GLRA1: variants seen among roughly 807,000 people sequenced by gnomAD.
GLRA1 encodes the protein glycine receptor subunit alpha-1.
Under a neutral mutation model 48.3 loss-of-function variants are expected in GLRA1, and 37 were observed. The ratio of observed to expected loss-of-function variants is 0.77; its 90% CI spans 0.59 to 1.01. The LOEUF is 1.01. GLRA1 is among the 50% of genes least tolerant of loss of function. The pLI is 0.00. For missense variants in GLRA1, 427 were observed against 571.0 expected, an observed-to-expected ratio of 0.75 and a Z score of 2.57; for synonymous variants, 196 against 210.7, an observed-to-expected ratio of 0.93 and a Z score of 0.60.
intron 8 of GLRA1, among the ~76,000 whole-genome samples, chr5:151,826,721 G>T (rs1270045216): frequency 1.3e-5 from 2 of 152,142 alleles, no homozygotes; most frequent in African/African-American, 4.8e-5. Flanking sequence ...CTTTTAGTGT[G>T]TCAAACTGGT....
intron 1 of GLRA1, among the ~76,000 whole-genome samples, chr5:151,919,391 T>C (rs753048766): frequency 3.3e-5 from 5 of 152,244 alleles, no homozygotes; most frequent in African/African-American, 4.8e-5. Context: ...GTGAGTATAG[T>C]GGTCAGGCAT....
At position 151,833,297 on chromosome 5, in the gene GLRA1, CAA is replaced by C. The variant is rs769572703; in HGVS notation, c.913-4232_913-4231del. ...ATGATAGGATCAAATTCACACATAA[CAA>C]TATTAATCTTAAATGTAAACAGGCA... On this transcript the variant is annotated intron_variant, in intron 7 of 8. Transcript: ENST00000274576. 1.4e-4 allele frequency among the ~76,000 whole-genome samples: 22 copies of C among 152,194 alleles called. No homozygotes were observed. The East Asian group carries it at 2.5e-3, about 17-fold the overall frequency.
chr5:151,897,075 C>T (rs1474243494), intron 1 of GLRA1, among the ~76,000 whole-genome samples: 3 of 152,058 alleles, frequency 2.0e-5, no homozygotes, highest in Admixed American at 2.0e-4. Context: ...CACTTAAAAT[C>T]CTCCCCCTCC....
At chr5:151,865,002 A>C (rs1402024555) in intron 3 of GLRA1, among the ~76,000 whole-genome samples, 1 of 152,250 alleles carries the variant, frequency 6.6e-6, no homozygotes, top group Non-Finnish European at 1.5e-5. Flanking sequence ...ATCTGGAATT[A>C]GAACTTGGCT....
chr5:151,877,518 C>CACA (rs776366846), intron 3 of GLRA1, among the ~76,000 whole-genome samples: 6 of 151,898 alleles, frequency 4.0e-5, no homozygotes, highest in East Asian at 1.9e-4. Context: ...AAAACAAAAA[C>CACA]ACAACAACAA....
At chr5:151,890,327 C>T (rs1454512917) in intron 2 of GLRA1, among the ~76,000 whole-genome samples, 3 of 151,954 alleles carry the variant, frequency 2.0e-5, no homozygotes, top group African/African-American at 4.8e-5. Flanking sequence ...ACACATAAAC[C>T]CTGGATGCAC....
intron 1 of GLRA1, among the ~76,000 whole-genome samples, chr5:151,917,556 C>T (rs1754768998): frequency 6.6e-6 from 1 of 152,186 alleles, no homozygotes; most frequent in Non-Finnish European, 1.5e-5. Context: ...ATGCCATAAA[C>T]TATCAATCAC....
At chr5:151,856,946 A>G (rs959208655) in intron 4 of GLRA1, among the ~76,000 whole-genome samples, 34 of 152,256 alleles carry the variant, frequency 2.2e-4, no homozygotes, top group African/African-American at 7.0e-4. Flanking sequence ...TCTGGCAGGA[A>G]GCATGGTGGG....
Position 151,865,718 on chromosome 5 carries a change from T to G in GLRA1, c.253-5710A>C, listed in dbSNP as rs140191691. 1.4e-3 allele frequency among the ~76,000 whole-genome samples: 210 copies of G among 152,342 alleles called. 2 individuals carry two copies. In the East Asian group the frequency reaches 0.015, roughly 11 times the overall value. On this transcript the variant is annotated intron_variant, in intron 3 of 8. Coordinates refer to ENST00000274576, the MANE Select transcript of GLRA1 (RefSeq NM_000171.4). Reference sequence around the variant, plus strand: ...GAAGAAAAACAAAATAAAATCCATCTCTTTGTATTTCATAATGAGTCTCTC... The same window carrying G: ...GAAGAAAAACAAAATAAAATCCATCGCTTTGTATTTCATAATGAGTCTCTC...
chr5:151,882,307 T>C (rs576847077), intron 3 of GLRA1, among the ~76,000 whole-genome samples: 1 of 152,368 alleles, frequency 6.6e-6, no homozygotes, highest in South Asian at 2.1e-4. Flanking sequence ...TCCTCAGCTT[T>C]CTCATCTGTA....
intron 1 of GLRA1, among the ~76,000 whole-genome samples, chr5:151,901,214 G>T (rs1754359100): frequency 6.6e-6 from 1 of 152,166 alleles, no homozygotes; most frequent in Non-Finnish European, 1.5e-5. Flanking sequence ...GCTTCCTTAT[G>T]TCCTTATTTA....
intron 1 of GLRA1, among the ~76,000 whole-genome samples, chr5:151,905,430 T>C (rs1754452307): frequency 6.6e-6 from 1 of 151,906 alleles, no homozygotes; most frequent in Non-Finnish European, 1.5e-5. Flanking sequence ...CATATGCCAG[T>C]GTGTGGCTGG....
chr5:151,828,318 C>T (rs1448668387), intron 8 of GLRA1, among the ~76,000 whole-genome samples: 2 of 152,216 alleles, frequency 1.3e-5, no homozygotes, highest in Non-Finnish European at 2.9e-5. Flanking sequence ...CTCCAGCAGG[C>T]TGCATGCTCC....
chr5:151,883,439 T>C (rs76670789), intron 3 of GLRA1, among the ~76,000 whole-genome samples: 1 of 25,714 alleles, frequency 3.9e-5, no homozygotes, highest in Non-Finnish European at 8.4e-5. Flanking sequence ...CATTTATCTA[T>C]AGGTTATGAG....
At chr5:151,850,563 C>T in intron 7 of GLRA1, 1 of 1,323,762 alleles carries the variant, frequency 7.6e-7, no homozygotes. Flanking sequence ...CTGGACAAAG[C>T]CCAACACCTA....
intron 8 of GLRA1, among the ~76,000 whole-genome samples, chr5:151,825,723 C>T (rs758957731): frequency 2.6e-5 from 4 of 152,124 alleles, no homozygotes; most frequent in South Asian, 4.1e-4. Context: ...CCAGAGAATT[C>T]GAGAACCAGA....
chr5:151,827,298 G>A (rs930137447), intron 8 of GLRA1, among the ~76,000 whole-genome samples: 2 of 151,786 alleles, frequency 1.3e-5, no homozygotes, highest in Admixed American at 1.3e-4. Context: ...CTCCTTCAAT[G>A]TAGTTTAGAA....
At chr5:151,869,964 T>TA (rs1190568424) in intron 3 of GLRA1, among the ~76,000 whole-genome samples, 2 of 149,460 alleles carry the variant, frequency 1.3e-5, no homozygotes, top group African/African-American at 2.6e-5. Context: ...TCTTCCCATT[T>TA]AAAAAAAATT....
chr5:151,849,501 C>T lies in GLRA1; in HGVS notation c.912+1889G>A, dbSNP rs375283509. Among the ~76,000 whole-genome samples, 107 of 37,682 alleles carry T rather than the reference C, an allele frequency of 2.8e-3. 16 individuals carry two copies. The highest frequency in any genetic ancestry group is 5.6e-3 in the African/African-American group (36 of 6,412). The allele number at this position is 37,682 out of a possible 152,430, so 24.7% of individuals were successfully genotyped here. A position where few individuals can be genotyped will look rare whatever the true frequency, so the allele number is the denominator to read the frequency against. On this transcript the variant is annotated intron_variant, in intron 7 of 8. Transcript: ENST00000274576. ...CTTCCTTCCTTCCTTCCTTTCTTTTCTTTCTTTCTTTCTTTCTTTTTTTCT... is the reference window on the plus strand; with the variant it reads ...CTTCCTTCCTTCCTTCCTTTCTTTTTTTTCTTTCTTTCTTTCTTTTTTTCT...
Sources: allele counts gnomAD v4.1 joint callset (sites outside exome capture counted in the v4.1 genomes callset), GRCh38; gene constraint gnomAD v4.1.1; transcripts MANE v1.5; gene names NCBI Gene and HGNC (gene_info 2026-07-23, HGNC 2026-07-21).